REEP3: variants seen among roughly 807,000 people sequenced by gnomAD.
The protein encoded by REEP3 is receptor accessory protein 3.
REEP3 carries 20 observed loss-of-function variants against 41.3 expected under a neutral mutation model. The ratio of observed to expected loss-of-function variants is 0.48; its 90% confidence interval spans 0.34 to 0.70. REEP3 has a LOEUF of 0.70. Among genes scored for constraint, REEP3 ranks in the 30% least tolerant of loss-of-function variants. REEP3 has a pLI of 0.01. For synonymous variants in REEP3, 104 were observed against 101.8 expected, an observed-to-expected ratio of 1.02 and a Z score of -0.13; for missense variants, 271 against 308.8, an observed-to-expected ratio of 0.88 and a Z score of 0.92.
At chr10:63,545,009 A>G (rs1281582008) in intron 1 of REEP3, among the ~76,000 whole-genome samples, 1 of 152,236 alleles carries the variant, frequency 6.6e-6, no homozygotes, top group Admixed American at 6.5e-5. Flanking sequence ...AAAAGTTATC[A>G]TCTGCAACTC....
At chr10:63,611,731 A>T (rs947141988) in intron 6 of REEP3, among the ~76,000 whole-genome samples, 1 of 151,934 alleles carries the variant, frequency 6.6e-6, no homozygotes, top group Non-Finnish European at 1.5e-5. Flanking sequence ...TGAAAAATAA[A>T]AATTAAAAAA....
chr10:63,558,961 G>GT (rs1955715821), intron 1 of REEP3, among the ~76,000 whole-genome samples: 1 of 151,768 alleles, frequency 6.6e-6, no homozygotes. Context: ...TCATTGAGTT[G>GT]TTTTTAGTCC....
chr10:63,585,534 A>C (rs1955997352), intron 2 of REEP3, among the ~76,000 whole-genome samples: 1 of 152,074 alleles, frequency 6.6e-6, no homozygotes, highest in Non-Finnish European at 1.5e-5. Context: ...CCCCCCATGA[A>C]AGCTTTGTGG....
At chr10:63,528,351 C>A (rs944855054) in intron 1 of REEP3, among the ~76,000 whole-genome samples, 2 of 152,168 alleles carry the variant, frequency 1.3e-5, no homozygotes, top group Non-Finnish European at 2.9e-5. Flanking sequence ...ATCATACCAT[C>A]CTTGATTCCT....
chr10:63,567,006 T>A (rs1955805225), intron 2 of REEP3, among the ~76,000 whole-genome samples: 1 of 152,212 alleles, frequency 6.6e-6, no homozygotes, highest in Non-Finnish European at 1.5e-5. Context: ...TCTGAAGTTC[T>A]CCTCATTTCT....
intron 6 of REEP3, among the ~76,000 whole-genome samples, chr10:63,615,198 G>C (rs1046018804): frequency 1.3e-5 from 2 of 152,136 alleles, no homozygotes; most frequent in African/African-American, 2.4e-5. Flanking sequence ...TTAGCCCTGA[G>C]TAGTGAGCTT....
chr10:63,559,891 C>T (rs981271812), intron 1 of REEP3, among the ~76,000 whole-genome samples: 6 of 152,024 alleles, frequency 3.9e-5, no homozygotes, highest in Admixed American at 3.3e-4. Flanking sequence ...TAAGGGAATA[C>T]TATACCATGT....
intron 2 of REEP3, among the ~76,000 whole-genome samples, chr10:63,578,690 T>C (rs1404160802): frequency 6.6e-6 from 1 of 152,084 alleles, no homozygotes. Context: ...TGTGGGAGGA[T>C]CGCTCAAGCA....
At chr10:63,578,987 C>T (rs1018216930) in intron 2 of REEP3, among the ~76,000 whole-genome samples, 33 of 148,110 alleles carry the variant, frequency 2.2e-4, no homozygotes, top group Admixed American at 4.1e-4. Flanking sequence ...GGTAAAGTAA[C>T]TGGTACTGTT....
At chr10:63,538,981 G>A (rs1342455740) in intron 1 of REEP3, among the ~76,000 whole-genome samples, 1 of 152,058 alleles carries the variant, frequency 6.6e-6, no homozygotes, top group African/African-American at 2.4e-5. Flanking sequence ...GAACATAACC[G>A]TGAGACATTA....
chr10:63,594,342 G>A (rs749720941), intron 2 of REEP3, among the ~76,000 whole-genome samples: 20 of 152,112 alleles, frequency 1.3e-4, no homozygotes, highest in Admixed American at 7.9e-4. Context: ...AGTCATGATC[G>A]TAATTGTACC....
intron 2 of REEP3, among the ~76,000 whole-genome samples, chr10:63,575,191 T>A (rs1168322442): frequency 6.6e-6 from 1 of 152,168 alleles, no homozygotes; most frequent in Non-Finnish European, 1.5e-5. Context: ...AGGTTGGAAA[T>A]CATTTTCTTT....
intron 2 of REEP3, among the ~76,000 whole-genome samples, chr10:63,588,061 C>G (rs368349090): frequency 5.2e-4 from 79 of 152,302 alleles, no homozygotes; most frequent in African/African-American, 1.9e-3. Context: ...TTAAAAACAT[C>G]TTTTCTAAAC....
At chr10:63,580,072 G>T (rs1262532651) in intron 2 of REEP3, among the ~76,000 whole-genome samples, 7 of 152,164 alleles carry the variant, frequency 4.6e-5, no homozygotes, top group African/African-American at 1.7e-4. Context: ...AAATTGAAAT[G>T]ATAGTAATAT....
chr10:63,543,619 G>T (rs1365033955), intron 1 of REEP3, among the ~76,000 whole-genome samples: 1 of 152,130 alleles, frequency 6.6e-6, no homozygotes, highest in Non-Finnish European at 1.5e-5. Flanking sequence ...GTGTACAGAA[G>T]ATTCAGTTCT....
Position 63,543,756 on chromosome 10 carries a change from G to T in REEP3, c.32+22179G>T, listed in dbSNP as rs76527879. Among the ~76,000 whole-genome samples the T allele has an allele frequency of 7.1e-3, 1,082 of 152,196 alleles. 17 individuals carry two copies. The highest frequency in any genetic ancestry group is 0.025 in the African/African-American group (1,057 of 41,506). ...AGCATGACACAGTTTCCGTTTTAAA[G>T]CAATACCCAACACAGAGACCACAAA... On this transcript the variant is annotated intron_variant, in intron 1 of 7. Transcript: ENST00000373758.
At chr10:63,596,328 A>G (rs1241893550) in intron 3 of REEP3, among the ~76,000 whole-genome samples, 2 of 142,200 alleles carry the variant, frequency 1.4e-5, no homozygotes, top group Non-Finnish European at 3.1e-5. Flanking sequence ...CAACCGTGCT[A>G]CATCGAAGTT....
chr10:63,521,533 A>G lies in REEP3; in HGVS notation c.-13A>G. ...CCACCCGCCCCGGACGTGGGGCCCA[A>G]GCCCCCGTGAAGATGGTGTCCTGGA... On this transcript the variant is annotated 5_prime_UTR_variant, in exon 1 of 8. Transcript: ENST00000373758. The G allele has an allele frequency of 7.0e-7, 1 of 1,427,220 alleles. No homozygotes were observed. The highest frequency in any genetic ancestry group is 9.3e-7 in the Non-Finnish European group (1 of 1,079,338). 88.4% of individuals were successfully genotyped at this position (1,427,220 alleles called of 1,614,324 possible).
intron 1 of REEP3, among the ~76,000 whole-genome samples, chr10:63,564,233 C>T (rs961228818): frequency 6.6e-6 from 1 of 152,066 alleles, no homozygotes; most frequent in Non-Finnish European, 1.5e-5. Context: ...AAAAAATGGC[C>T]ATTGAAAACA....
Sources: allele counts gnomAD v4.1 joint callset (sites outside exome capture counted in the v4.1 genomes callset), GRCh38; gene constraint gnomAD v4.1.1; transcripts MANE v1.5; gene names NCBI Gene and HGNC (gene_info 2026-07-23, HGNC 2026-07-21).